The following MVB12B variants were observed in gnomAD, a reference collection of about 807,000 sequenced individuals.
MVB12B encodes multivesicular body subunit 12B, also known as ESCRT-I complex subunit MVB12B.
MVB12B carries 16 observed loss-of-function variants against 41.6 expected under a neutral mutation model. That is an observed-to-expected ratio of 0.38 (90% CI 0.26 to 0.58). MVB12B has a LOEUF of 0.58. Among genes scored for constraint, MVB12B ranks in the 20% least tolerant of loss-of-function variants. The pLI, the probability that MVB12B is intolerant of heterozygous loss-of-function variation, is 0.62. For missense variants in MVB12B, 274 were observed against 380.2 expected (o/e 0.72, Z 2.32); for synonymous variants, 133 against 139.7 (o/e 0.95, Z 0.34).
At chr9:126,423,605 C>T (rs926203356) in intron 7 of MVB12B, among the ~76,000 whole-genome samples, 3 of 152,208 alleles carry the variant, frequency 2.0e-5, no homozygotes, top group African/African-American at 7.2e-5. Flanking sequence ...TTTCAGGCCT[C>T]CTCAGTGGCT....
In MVB12B at chr9:126,503,419, CTGTCTTCAGCTGGCCTCACTG is replaced by C; in HGVS notation, c.*157_*177del. 1.6e-6 allele frequency: 1 copy of C among 626,736 alleles called. No homozygotes were observed. The allele number at this position is 626,736 out of a possible 1,614,324, so 38.8% of individuals were successfully genotyped here. On this transcript the variant is annotated 3_prime_UTR_variant, in exon 10 of 10. Coordinates refer to ENST00000361171, the MANE Select transcript of MVB12B (RefSeq NM_033446.3). ...GACTGGGCAGCTAAGTGGGCGCATC[CTGTCTTCAGCTGGCCTCACTG>C]ACACCCCGGCCTCCCTGGGGACATT... is the stretch of plus-strand genomic sequence containing the variant.
chr9:126,435,675 A>AC (rs1832455301), intron 7 of MVB12B, among the ~76,000 whole-genome samples: 4 of 150,462 alleles, frequency 2.7e-5, no homozygotes, highest in South Asian at 2.1e-4. Context: ...AAAAAAAAAA[A>AC]GTTTCTTTCC....
At chr9:126,411,876 C>T (rs1327292039) in intron 6 of MVB12B, among the ~76,000 whole-genome samples, 1 of 152,224 alleles carries the variant, frequency 6.6e-6, no homozygotes, top group Non-Finnish European at 1.5e-5. Flanking sequence ...AATCGTAATT[C>T]AGAGCCTCAC....
rs995316265 is a variant in MVB12B at position 126,455,667 on chromosome 9, A to G, written c.758-25702A>G. On this transcript the variant is annotated intron_variant, in intron 7 of 9. Transcript: ENST00000361171. ...GCCCAGCTGATTTTTTTGATATTTT[A>G]TAGAGATGGGGTCTTGCCATGTTGC... Among the ~76,000 whole-genome samples, 8 of 151,098 alleles carry G rather than the reference A, an allele frequency of 5.3e-5. No homozygotes were observed. In the East Asian group the frequency reaches 1.6e-3, roughly 30 times the overall value.
intron 1 of MVB12B, among the ~76,000 whole-genome samples, chr9:126,334,228 G>A (rs1454569583): frequency 6.6e-6 from 1 of 152,184 alleles, no homozygotes; most frequent in Admixed American, 6.5e-5. Flanking sequence ...GAATGTAGGA[G>A]GATGCTTCAG....
At chr9:126,481,177 C>T (rs762503880) in intron 7 of MVB12B, 192 bp from the exon 8 acceptor site, 3 of 619,814 alleles carry the variant, frequency 4.8e-6, no homozygotes, top group Non-Finnish European at 8.6e-6. Context: ...CTGCCTCTCT[C>T]AGTAGGTTGT....
At chr9:126,381,655 A>C (rs1426054248) in intron 3 of MVB12B, among the ~76,000 whole-genome samples, 1 of 152,016 alleles carries the variant, frequency 6.6e-6, no homozygotes, top group Non-Finnish European at 1.5e-5. Context: ...GTATTGACTC[A>C]TGTAGATTTC....
Position 126,386,111 on chromosome 9 carries a change from C to A in MVB12B, c.313-451C>A, listed in dbSNP as rs1293108237. Reference sequence around the variant, plus strand: ...AGCAACTGAAATGTGTGTCAGTATGCAGACTGGTGATCACTTAGGAGAGTG... The same window carrying A: ...AGCAACTGAAATGTGTGTCAGTATGAAGACTGGTGATCACTTAGGAGAGTG... On this transcript the variant is annotated intron_variant, in intron 3 of 9. Coordinates refer to ENST00000361171, the MANE Select transcript of MVB12B (RefSeq NM_033446.3). The surrounding 1 kb of genome is among the most constrained non-coding windows in gnomAD (Gnocchi z 4.3). 1.3e-5 allele frequency among the ~76,000 whole-genome samples: 2 copies of A among 152,156 alleles called. No individual in the cohort carries two copies. Among genetic ancestry groups the A allele is most frequent in the Non-Finnish European group, 2.9e-5 (2 of 68,038 alleles).
chr9:126,503,203 G>A lies in MVB12B; in HGVS notation c.900G>A (p.Gln300=). 6.4e-7 allele frequency: 1 copy of A among 1,550,836 alleles called. No homozygotes were observed. Among genetic ancestry groups the A allele is most frequent in the Non-Finnish European group, 8.7e-7 (1 of 1,147,084 alleles). ...ACGAGTACAGCTTCCGCACAGAGCA[G>A]AGCGCAGCCGCCAGGCTCCCGCCCA... is the stretch of plus-strand genomic sequence containing the variant. ...KEYEYSFRTE[Q]SAAARLPPSP... is the part of the protein sequence containing the mutation. The change falls in exon 10 of 10, where the codon CAG becomes CAA. Residue 300 remains glutamine, a synonymous_variant. Transcript: ENST00000361171.
chr9:126,371,149 G>T (rs1830325681), intron 2 of MVB12B, among the ~76,000 whole-genome samples: 1 of 152,190 alleles, frequency 6.6e-6, no homozygotes, highest in African/African-American at 2.4e-5. Flanking sequence ...TCCTGTGGCT[G>T]AGAGGAGCCG....
rs1464460707 is a variant in MVB12B, at chr9:126,391,327, C to T, written c.410-739C>T. Reference sequence around the variant, plus strand: ...AGAAAAGGGAACAGGAGTGGTTGTTCCAGAGTCAAATGATCTGGGAGGCCT... The same window carrying T: ...AGAAAAGGGAACAGGAGTGGTTGTTTCAGAGTCAAATGATCTGGGAGGCCT... On this transcript the variant is annotated intron_variant, in intron 4 of 9. Transcript: ENST00000361171. The surrounding 1 kb of genome is among the most constrained non-coding windows in gnomAD (Gnocchi z 4.4). 6.6e-6 allele frequency among the ~76,000 whole-genome samples: 1 copy of T among 152,178 alleles called. No individual in the cohort carries two copies. Among genetic ancestry groups the T allele is most frequent in the Non-Finnish European group, 1.5e-5 (1 of 68,036 alleles).
intron 2 of MVB12B, among the ~76,000 whole-genome samples, chr9:126,341,819 G>A (rs377700569): frequency 9.7e-4 from 147 of 152,286 alleles, no homozygotes; most frequent in African/African-American, 3.4e-3. Context: ...GGAGCAGGGG[G>A]TGGCTGGGCA....
intron 7 of MVB12B, among the ~76,000 whole-genome samples, chr9:126,449,642 A>G (rs1832855167): frequency 2.6e-5 from 4 of 152,268 alleles, no homozygotes; most frequent in Non-Finnish European, 1.5e-5. Flanking sequence ...TGGGCCCAGT[A>G]TGTTCTGAGT....
chr9:126,368,976 G>A (rs892081937), intron 2 of MVB12B, among the ~76,000 whole-genome samples: 6 of 152,008 alleles, frequency 3.9e-5, no homozygotes, highest in African/African-American at 4.8e-5. Flanking sequence ...CTAGACTCGC[G>A]TGTGTAGACC....
intron 9 of MVB12B, 73 bp from the exon 10 acceptor site, chr9:126,503,104 C>A: frequency 7.6e-7 from 1 of 1,317,130 alleles, no homozygotes; most frequent in Non-Finnish European, 1.1e-6. Context: ...TGATCTTGAT[C>A]TGAGGCTGTG....
intron 7 of MVB12B, among the ~76,000 whole-genome samples, chr9:126,445,047 C>T (rs906028382): frequency 2.7e-5 from 4 of 150,340 alleles, no homozygotes; most frequent in African/African-American, 9.8e-5. Context: ...ACTTTTTTAC[C>T]CAGTAGAAAT....
rs1286938952 is a variant in MVB12B, at chr9:126,503,975, C to T, written c.*712C>T. 9 of 152,488 alleles carry T rather than the reference C, an allele frequency of 5.9e-5. No individual in the cohort carries two copies. Among genetic ancestry groups the T allele is most frequent in the East Asian group, 3.9e-4 (2 of 5,180 alleles). The allele number at this position is 152,488 out of a possible 1,614,324, so 9.4% of individuals were successfully genotyped here. On this transcript the variant is annotated 3_prime_UTR_variant, in exon 10 of 10. Coordinates refer to ENST00000361171, the MANE Select transcript of MVB12B (RefSeq NM_033446.3). ...GCCCTGCTTGGATCCACCACCAGGA[C>T]GCTGTGCTCGGCCATGGCGCGCCTC...
chr9:126,412,364 A>G (rs1197312313), intron 6 of MVB12B, among the ~76,000 whole-genome samples: 1 of 151,972 alleles, frequency 6.6e-6, no homozygotes, highest in African/African-American at 2.4e-5. Flanking sequence ...TCCCCTTCCT[A>G]TCTTAACTTG....
chr9:126,445,223 CATATT>C (rs984663021), intron 7 of MVB12B, among the ~76,000 whole-genome samples: 1 of 152,118 alleles, frequency 6.6e-6, no homozygotes, highest in Non-Finnish European at 1.5e-5. Context: ...TATTCAGTAA[CATATT>C]ATAGTTTTCT....
Sources: allele counts gnomAD v4.1 joint callset (sites outside exome capture counted in the v4.1 genomes callset), GRCh38; gene constraint gnomAD v4.1.1; non-coding constraint Gnocchi (gnomAD v3.1); transcripts MANE v1.5; gene names NCBI Gene and HGNC (gene_info 2026-07-23, HGNC 2026-07-21).